The following MALRD1 variants were observed in gnomAD, a reference collection of about 807,000 sequenced individuals.
MALRD1 encodes the protein MAM and LDL receptor class A domain containing 1, also known as MAM and LDL-receptor class A domain-containing protein 1.
A neutral mutation model predicts 242.1 loss-of-function variants in MALRD1; 247 were observed. The ratio of observed to expected loss-of-function variants is 1.02; its 90% confidence interval spans 0.92 to 1.13. MALRD1 has a LOEUF of 1.13. Ranked by LOEUF, MALRD1 falls within the 50% of genes most tolerant of loss-of-function variation. The probability of loss-of-function intolerance (pLI) is 0.00; values close to 1 mark genes in which losing one functional copy is unlikely to be tolerated. For synonymous variants in MALRD1, 995 were observed against 866.6 expected (o/e 1.15, Z -2.60); for missense variants, 2,989 against 2,533.1 (o/e 1.18, Z -3.86).
rs139637429 is a variant in MALRD1, at chr10:19,702,793, G to A, written c.6314+10239G>A. Among the ~76,000 whole-genome samples, 274 of 152,278 alleles carry A rather than the reference G, an allele frequency of 1.8e-3. 2 individuals are homozygous for A. The highest frequency in any genetic ancestry group is 6.4e-3 in the African/African-American group (268 of 41,568). ...TAATGCCAAAACCTTGAGATACACA[G>A]AACTTCATGTAAGCAGAAAACCATC... On this transcript the variant is annotated intron_variant, in intron 38 of 39. Transcript: ENST00000454679.
intron 21 of MALRD1, among the ~76,000 whole-genome samples, chr10:19,312,408 ATGTGTG>A (rs774610118): frequency 1.4e-5 from 2 of 144,012 alleles, no homozygotes; most frequent in Non-Finnish European, 3.1e-5. Context: ...ATATGTGTAT[ATGTGTG>A]TGTGTGTGTG....
At chr10:19,165,539 G>A in intron 12 of MALRD1, 98 bp from the exon 13 acceptor site, 2 of 931,794 alleles carry the variant, frequency 2.1e-6, no homozygotes, top group African/African-American at 1.7e-5. Flanking sequence ...GCCGAGGCAG[G>A]CAGATCACCT....
intron 32 of MALRD1, among the ~76,000 whole-genome samples, chr10:19,546,904 A>G (rs1763089667): frequency 2.0e-5 from 3 of 152,170 alleles, no homozygotes; most frequent in Non-Finnish European, 2.9e-5. Flanking sequence ...ACCAGAAATG[A>G]GTTTTCTAAA....
chr10:19,193,338 T>C (rs1836076925), intron 14 of MALRD1, among the ~76,000 whole-genome samples: 1 of 152,122 alleles, frequency 6.6e-6, no homozygotes. Context: ...GGAGGATCGC[T>C]TAAGCCCAGG....
intron 18 of MALRD1, among the ~76,000 whole-genome samples, chr10:19,248,445 G>A (rs914998526): frequency 6.6e-6 from 1 of 151,042 alleles, no homozygotes; most frequent in Non-Finnish European, 1.5e-5. Flanking sequence ...TATTAGTATA[G>A]TGCTAACCAC....
chr10:19,432,861 G>T (rs187893491), intron 28 of MALRD1, among the ~76,000 whole-genome samples: 52 of 152,200 alleles, frequency 3.4e-4, no homozygotes, highest in Admixed American at 1.5e-3. Context: ...ATATCCAAAG[G>T]CTACTGTGAA....
intron 32 of MALRD1, among the ~76,000 whole-genome samples, chr10:19,536,004 G>T (rs1388258570): frequency 1.3e-5 from 2 of 152,216 alleles, no homozygotes; most frequent in Non-Finnish European, 2.9e-5. Flanking sequence ...TCTCAAAAGA[G>T]ATTCCAAATT....
intron 36 of MALRD1, among the ~76,000 whole-genome samples, chr10:19,687,152 C>T (rs1281427798): frequency 6.6e-6 from 1 of 151,846 alleles, no homozygotes; most frequent in African/African-American, 2.4e-5. Flanking sequence ...GACGTTAAAA[C>T]AAACAAGCAT....
intron 26 of MALRD1, among the ~76,000 whole-genome samples, chr10:19,372,966 A>G (rs1845442973): frequency 6.6e-6 from 1 of 152,008 alleles, no homozygotes. Context: ...TTCCTCATAA[A>G]TAATCTTTGT....
At chr10:19,691,220 A>G (rs979044023) in intron 36 of MALRD1, among the ~76,000 whole-genome samples, 2 of 152,142 alleles carry the variant, frequency 1.3e-5, no homozygotes, top group Non-Finnish European at 2.9e-5. Flanking sequence ...CGTTAAAACA[A>G]TGAAATTATC....
intron 29 of MALRD1, 94 bp from the exon 30 acceptor site, chr10:19,491,423 A>AC: frequency 7.1e-7 from 1 of 1,406,330 alleles, no homozygotes. Flanking sequence ...TAACTTGCTT[A>AC]CTAGTGTGAA....
chr10:19,323,801 G>A, intron 21 of MALRD1, 148 bp from the exon 22 acceptor site: 1 of 638,264 alleles, frequency 1.6e-6, no homozygotes, highest in Non-Finnish European at 2.7e-6. Context: ...AGTAGAGACG[G>A]TGTTTCATCA....
chr10:19,224,799 G>A (rs981977678), intron 18 of MALRD1, among the ~76,000 whole-genome samples: 11 of 152,254 alleles, frequency 7.2e-5, no homozygotes, highest in Admixed American at 5.9e-4. Context: ...TGTTCACTCC[G>A]ATGATAGTGT....
Position 19,734,283 on chromosome 10 carries a change from A to T in MALRD1, c.*46A>T. ...ATCCAACATGTGTAGTTTCTAGAAA[A>T]TTGAAGTCTCCACAATCTGATAGAA... On this transcript the variant is annotated 3_prime_UTR_variant, in exon 40 of 40. Transcript: ENST00000454679. 6.9e-7 allele frequency: 1 copy of T among 1,458,576 alleles called. No homozygotes were observed. The highest frequency in any genetic ancestry group is 1.2e-5 in the South Asian group (1 of 81,598). The allele number at this position is 1,458,576 out of a possible 1,614,324, so 90.4% of individuals were successfully genotyped here.
chr10:19,720,570 A>G (rs1288200397), intron 38 of MALRD1, among the ~76,000 whole-genome samples: 2 of 152,170 alleles, frequency 1.3e-5, no homozygotes, highest in South Asian at 2.1e-4. Flanking sequence ...CCTCTAATAA[A>G]TATACATACT....
chr10:19,171,937 ATAT>A (rs1268315014), intron 13 of MALRD1, among the ~76,000 whole-genome samples: 2 of 133,182 alleles, frequency 1.5e-5, no homozygotes, highest in African/African-American at 2.7e-5. Flanking sequence ...TGTGATATAT[ATAT>A]CATATAATAT....
At chr10:19,199,204 A>G (rs1303305167) in intron 14 of MALRD1, among the ~76,000 whole-genome samples, 3 of 152,188 alleles carry the variant, frequency 2.0e-5, no homozygotes, top group Non-Finnish European at 4.4e-5. Context: ...AAGAAGAGTC[A>G]ATGTGGTGGA....
At chr10:19,577,099 A>G (rs1362080451) in intron 33 of MALRD1, among the ~76,000 whole-genome samples, 1 of 151,926 alleles carries the variant, frequency 6.6e-6, no homozygotes, top group Non-Finnish European at 1.5e-5. Context: ...TAACAATTGT[A>G]GATAAATTAT....
chr10:19,374,210 A>G (rs556640873), intron 26 of MALRD1, among the ~76,000 whole-genome samples: 1 of 152,322 alleles, frequency 6.6e-6, no homozygotes, highest in South Asian at 2.1e-4. Context: ...GCATAGTACA[A>G]TGAAGTACTA....
Sources: allele counts gnomAD v4.1 joint callset (sites outside exome capture counted in the v4.1 genomes callset), GRCh38; gene constraint gnomAD v4.1.1; transcripts MANE v1.5; gene names NCBI Gene and HGNC (gene_info 2026-07-23, HGNC 2026-07-21).